The following CAMTA1 variants were observed in gnomAD, a reference collection of about 807,000 sequenced individuals.
CAMTA1 encodes calmodulin binding transcription activator 1.
In CAMTA1, 27 loss-of-function variants were observed where a neutral mutation model predicts 170.9. The observed-to-expected ratio is 0.16, with a 90% CI of 0.12 to 0.22. The LOEUF (loss-of-function observed/expected upper bound fraction) is 0.22, where lower values mean the gene tolerates loss of function less well. Ranked by LOEUF, CAMTA1 falls within the 10% of genes least tolerant of loss-of-function variation. CAMTA1 has a pLI of 1.00. For missense variants in CAMTA1, 1,619 were observed against 2,217.2 expected (o/e 0.73, Z 5.42); for synonymous variants, 833 against 891.5 (o/e 0.93, Z 1.17).
intron 6 of CAMTA1, among the ~76,000 whole-genome samples, chr1:7,614,887 A>G (rs892659496): frequency 1.3e-5 from 2 of 152,174 alleles, no homozygotes; most frequent in African/African-American, 2.4e-5. Context: ...GCCCTTGCCC[A>G]TCAGATACTG....
chr1:7,340,544 G>GCCTCCCTCCCCCCCCCCCCCCCCCCCCTC (rs772743867), intron 5 of CAMTA1, among the ~76,000 whole-genome samples: 1 of 105,426 alleles, frequency 9.5e-6, no homozygotes, highest in Non-Finnish European at 1.9e-5. Context: ...CTGCCTGCCT[G>GCCTCCCTCCCCCCCCCCCCCCCCCCCCTC]CCTGCCTGCC....
chr1:6,893,210 G>A (rs896126588), intron 3 of CAMTA1, among the ~76,000 whole-genome samples: 15 of 152,058 alleles, frequency 9.9e-5, no homozygotes, highest in African/African-American at 3.4e-4. Context: ...GCAGTCAGCC[G>A]AGATCGCGTC....
rs557742603 is a variant in CAMTA1, at chr1:7,286,967, A to G, written c.438+37341A>G. Among the ~76,000 whole-genome samples the G allele has an allele frequency of 2.0e-5, 3 of 152,346 alleles. No homozygotes were observed. The South Asian group carries it at 6.2e-4, about 32-fold the overall frequency. Reference sequence around the variant, plus strand: ...AGAAGCTGGAGCTACTCTTACCTCTATCACTGTAAGTGTCAAAATTGTGAT... The same window carrying G: ...AGAAGCTGGAGCTACTCTTACCTCTGTCACTGTAAGTGTCAAAATTGTGAT... On this transcript the variant is annotated intron_variant, in intron 5 of 22. Transcript: ENST00000303635. The surrounding 1 kb of genome is among the most constrained non-coding windows in gnomAD (Gnocchi z 4.2).
At chr1:7,412,257 C>A (rs1256899645) in intron 5 of CAMTA1, among the ~76,000 whole-genome samples, 1 of 152,006 alleles carries the variant, frequency 6.6e-6, no homozygotes, top group African/African-American at 2.4e-5. Flanking sequence ...GATTTATAGT[C>A]CTTTGGGTAT....
intron 1 of CAMTA1, among the ~76,000 whole-genome samples, chr1:6,789,419 T>C (rs1640377177): frequency 6.6e-6 from 1 of 152,188 alleles, no homozygotes; most frequent in African/African-American, 2.4e-5. Context: ...GATTTTGAGG[T>C]AGCCCATCTC....
chr1:6,856,977 G>T (rs1379183717), intron 3 of CAMTA1, among the ~76,000 whole-genome samples: 3 of 152,128 alleles, frequency 2.0e-5, no homozygotes, highest in African/African-American at 7.2e-5. Flanking sequence ...CAGGGGTCAT[G>T]CTACTCACAG....
At chr1:7,140,966 C>T (rs141452994) in intron 4 of CAMTA1, among the ~76,000 whole-genome samples, 2 of 152,200 alleles carry the variant, frequency 1.3e-5, no homozygotes, top group Admixed American at 6.5e-5. Flanking sequence ...CCTTTTCTTC[C>T]TTTCTGTCTA....
chr1:7,663,954 C>A lies in CAMTA1; in HGVS notation c.1407C>A (p.Thr469=). The A allele has an allele frequency of 1.9e-6, 3 of 1,613,912 alleles. No homozygotes were observed. The highest frequency in any genetic ancestry group is 2.5e-6 in the Non-Finnish European group (3 of 1,180,042). ...NVSEELVLST[T]LDGGRKIPET... is the part of the protein sequence containing the mutation. ...CCGAAGAGCTGGTCCTCTCCACCAC[C>A]CTCGACGGTGGCCGGAAGATTCCAG... Residue 469 remains threonine, a synonymous_variant, in exon 9 of 23, where the codon ACC becomes ACA. Coordinates refer to ENST00000303635, the MANE Select transcript of CAMTA1 (RefSeq NM_015215.4).
At chr1:6,849,162 A>T (rs1320405950) in intron 3 of CAMTA1, among the ~76,000 whole-genome samples, 1 of 152,186 alleles carries the variant, frequency 6.6e-6, no homozygotes, top group African/African-American at 2.4e-5. Flanking sequence ...AGGAGAGGAG[A>T]AATTCCTGAG....
At position 7,463,126 on chromosome 1, in the gene CAMTA1, G is replaced by A. The variant is rs2093130443; in HGVS notation, c.439-4704G>A. Reference sequence around the variant, plus strand: ...GGGGGTTCATGTGAGCAGGGACACGGGGAGGGCTGCCCTGTGGCCCGCTGT... The same window carrying A: ...GGGGGTTCATGTGAGCAGGGACACGAGGAGGGCTGCCCTGTGGCCCGCTGT... On this transcript the variant is annotated intron_variant, in intron 5 of 22. Coordinates refer to ENST00000303635, the MANE Select transcript of CAMTA1 (RefSeq NM_015215.4). This position sits in a 1 kb window ranked among gnomAD's most constrained non-coding sequence, Gnocchi z 4.7. 6.6e-6 allele frequency among the ~76,000 whole-genome samples: 1 copy of A among 152,228 alleles called. No homozygotes were observed. Among genetic ancestry groups the A allele is most frequent in the African/African-American group, 2.4e-5 (1 of 41,464 alleles).
rs2077234 is a variant in CAMTA1 at position 7,512,843 on chromosome 1, A to T, written c.510+44942A>T. ...CTGGGAGGGAGGGAGCCAGGAGAAG[A>T]CTAGGTAGGACAGGGCATCAGGGCA... On this transcript the variant is annotated intron_variant, in intron 6 of 22. Coordinates refer to ENST00000303635, the MANE Select transcript of CAMTA1 (RefSeq NM_015215.4). Among the ~76,000 whole-genome samples the T allele has an allele frequency of 4.3e-4, 66 of 152,118 alleles. No individual in the cohort carries two copies. In the East Asian group the frequency reaches 0.011, roughly 25 times the overall value.
At chr1:6,973,382 CCTT>C (rs1181273964) in intron 3 of CAMTA1, among the ~76,000 whole-genome samples, 10 of 152,174 alleles carry the variant, frequency 6.6e-5, no homozygotes, top group African/African-American at 2.4e-4. Context: ...CAGCATTTGT[CCTT>C]CTGTGACTGG....
At chr1:6,786,994 A>G (rs1032354422) in intron 1 of CAMTA1, among the ~76,000 whole-genome samples, 5 of 151,968 alleles carry the variant, frequency 3.3e-5, no homozygotes, top group Non-Finnish European at 7.4e-5. Flanking sequence ...TTGTTTTTTG[A>G]TGTTTTGATT....
At chr1:7,037,917 A>AT (rs55645358) in intron 3 of CAMTA1, among the ~76,000 whole-genome samples, 22,446 of 142,944 alleles carry the variant, frequency 0.16, 1,917 homozygotes, top group East Asian at 0.25. Flanking sequence ...TTTGATCTTT[A>AT]TTTTTTTTTT....
At chr1:7,442,309 C>T (rs1296363644) in intron 5 of CAMTA1, among the ~76,000 whole-genome samples, 1 of 152,166 alleles carries the variant, frequency 6.6e-6, no homozygotes, top group African/African-American at 2.4e-5. Flanking sequence ...CAGATGGACA[C>T]GGTGGCCTGA....
intron 3 of CAMTA1, among the ~76,000 whole-genome samples, chr1:6,855,154 A>G (rs1217031433): frequency 2.0e-5 from 3 of 152,144 alleles, no homozygotes; most frequent in African/African-American, 7.2e-5. Context: ...TGCAAGATTC[A>G]AGGTAATTCT....
chr1:7,530,069 C>T (rs1036144067), intron 6 of CAMTA1, among the ~76,000 whole-genome samples: 1 of 152,162 alleles, frequency 6.6e-6, no homozygotes, highest in African/African-American at 2.4e-5. Context: ...GGGGAGGGCT[C>T]GTCAGCTCCA....
chr1:7,136,790 T>A (rs1334132375), intron 4 of CAMTA1, among the ~76,000 whole-genome samples: 1 of 152,188 alleles, frequency 6.6e-6, no homozygotes, highest in African/African-American at 2.4e-5. Context: ...GTGAAACCGC[T>A]CTGTCCTGGC....
intron 4 of CAMTA1, among the ~76,000 whole-genome samples, chr1:7,187,580 G>C (rs1036703024): frequency 1.3e-5 from 2 of 152,042 alleles, no homozygotes; most frequent in Non-Finnish European, 2.9e-5. Flanking sequence ...GTAATTTCTG[G>C]TTTTAAAAGA....
Sources: allele counts gnomAD v4.1 joint callset (sites outside exome capture counted in the v4.1 genomes callset), GRCh38; gene constraint gnomAD v4.1.1; non-coding constraint Gnocchi (gnomAD v3.1); transcripts MANE v1.5; gene names NCBI Gene and HGNC (gene_info 2026-07-23, HGNC 2026-07-21).